RSRP1: variants seen among roughly 807,000 people sequenced by gnomAD.
RSRP1 encodes the protein arginine and serine rich protein 1.
RSRP1 carries 37 observed loss-of-function variants against 33.0 expected under a neutral mutation model. The observed-to-expected ratio is 1.12, with a 90% confidence interval of 0.86 to 1.48. RSRP1 has a LOEUF of 1.48. Ranked by LOEUF, RSRP1 falls within the 40% of genes most tolerant of loss-of-function variation. RSRP1 has a pLI of 0.00. For missense variants in RSRP1, 402 were observed against 385.3 expected (o/e 1.04, Z -0.36); for synonymous variants, 167 against 158.7 (o/e 1.05, Z -0.40).
intron 1 of RSRP1, among the ~76,000 whole-genome samples, chr1:25,259,331 G>A (rs1360585323): frequency 6.6e-6 from 1 of 152,078 alleles, no homozygotes; most frequent in Non-Finnish European, 1.5e-5. Context: ...GACCTCAAGT[G>A]ATCTGCCTGC....
chr1:25,245,336 T>C (rs1639278855), intron 2 of RSRP1, 35 bp from the exon 3 acceptor site: 1 of 1,578,426 alleles, frequency 6.3e-7, no homozygotes, highest in Non-Finnish European at 8.7e-7. Flanking sequence ...AAAATACTCA[T>C]TAATCTGGTA....
At chr1:25,292,172 A>G (rs112896682) in intron 1 of RSRP1, among the ~76,000 whole-genome samples, 2,395 of 132,698 alleles carry the variant, frequency 0.018, 617 homozygotes, top group Non-Finnish European at 0.028. Context: ...ATGCATGTTT[A>G]CAAAAAAAAG....
rs1189238609 is a variant in RSRP1 at position 25,321,663 on chromosome 1, C to A, written c.-67+16315G>T. ...CCAGCCTGGGCGATAGAGTGAGACT[C>A]TGTCTCAAAATAAATAAAATAAAAT... On this transcript the variant is annotated intron_variant, in intron 1 of 1. Transcript: ENST00000561867. Among the ~76,000 whole-genome samples the A allele has an allele frequency of 1.7e-4, 4 of 23,660 alleles. 1 individual carries two copies. Among genetic ancestry groups the A allele is most frequent in the Non-Finnish European group, 6.8e-4 (4 of 5,882 alleles). The allele number at this position is 23,660 out of a possible 152,430, so 15.5% of individuals were successfully genotyped here. A position where few individuals can be genotyped will look rare whatever the true frequency, so the allele number is the denominator to read the frequency against.
intron 1 of RSRP1, chr1:25,337,356 T>G (rs1033554542): frequency 1.3e-5 from 2 of 151,084 alleles, no homozygotes; most frequent in African/African-American, 4.9e-5. Context: ...CTGCTCCCTC[T>G]CCGGGGCTGG....
intron 1 of RSRP1, among the ~76,000 whole-genome samples, chr1:25,258,944 CTT>C (rs961343872): frequency 2.6e-5 from 4 of 152,270 alleles, no homozygotes; most frequent in African/African-American, 9.6e-5. Context: ...CTCTGCCACT[CTT>C]TGAGGAGAAT....
At chr1:25,245,695 ATTAGT>A (rs971768858) in intron 2 of RSRP1, among the ~76,000 whole-genome samples, 1 of 152,266 alleles carries the variant, frequency 6.6e-6, no homozygotes, top group East Asian at 1.9e-4. Flanking sequence ...TATCTCAACA[ATTAGT>A]TTTGTTTTCT....
In RSRP1 at chr1:25,329,269, T is replaced by C. The variant is rs559317219; in HGVS notation, c.-67+8709A>G. On this transcript the variant is annotated intron_variant, in intron 1 of 1. Transcript: ENST00000561867. Reference sequence around the variant, plus strand: ...TTTTTTTTTTTTTTTTTTTGAGATGTAGTCTTACTCTGTCACCCAGGCTAG... The same window carrying C: ...TTTTTTTTTTTTTTTTTTTGAGATGCAGTCTTACTCTGTCACCCAGGCTAG... 85 of 508,136 alleles carry C rather than the reference T, an allele frequency of 1.7e-4. 12 individuals are homozygous for C. The South Asian group carries it at 1.9e-3, about 11-fold the overall frequency. The allele number at this position is 508,136 out of a possible 1,614,324, so 31.5% of individuals were successfully genotyped here.
intron 2 of RSRP1, among the ~76,000 whole-genome samples, chr1:25,245,534 G>C (rs1415221936): frequency 6.6e-6 from 1 of 152,128 alleles, no homozygotes; most frequent in African/African-American, 2.4e-5. Flanking sequence ...CACAGTGTTT[G>C]AGAGACTGTA....
At chr1:25,245,359 G>C in intron 2 of RSRP1, 58 bp from the exon 3 acceptor site, 1 of 1,529,664 alleles carries the variant, frequency 6.5e-7, no homozygotes, top group East Asian at 2.3e-5. Context: ...TATTTCCCAA[G>C]AGAACTCAGA....
In RSRP1 at chr1:25,301,728, G is replaced by C. The variant is rs753654123; in HGVS notation, c.-67+36250C>G. On this transcript the variant is annotated intron_variant, in intron 1 of 1. Transcript: ENST00000561867. ...CCTTGGGCAGCACTTGGGTCTAACA[G>C]GACTAGCACACATATTTATGCCCCT... The C allele has an allele frequency of 2.1e-5, 28 of 1,305,124 alleles. 7 individuals carry two copies. The highest frequency in any genetic ancestry group is 3.1e-5 in the Non-Finnish European group (28 of 912,262). 80.8% of individuals were successfully genotyped at this position (1,305,124 alleles called of 1,614,324 possible).
upstream of RSRP1, among the ~76,000 whole-genome samples, chr1:25,252,072 G>T (rs375061671): frequency 6.7e-6 from 1 of 149,988 alleles, no homozygotes; most frequent in Non-Finnish European, 1.5e-5. Context: ...TGTTGCTGTT[G>T]TTGTTTTGTG....
At chr1:25,262,580 G>A (rs1218902858) in intron 1 of RSRP1, among the ~76,000 whole-genome samples, 3 of 152,202 alleles carry the variant, frequency 2.0e-5, no homozygotes, top group African/African-American at 7.2e-5. Flanking sequence ...CAGATTGTCT[G>A]CAAGCTGGAG....
chr1:25,274,353 C>T (rs925545216), intron 1 of RSRP1, among the ~76,000 whole-genome samples: 7 of 132,640 alleles, frequency 5.3e-5, no homozygotes, highest in Admixed American at 3.7e-4. Flanking sequence ...CCCCATTTTA[C>T]AGTGGGCTTG....
intron 1 of RSRP1, chr1:25,301,120 T>A: frequency 1.5e-6 from 2 of 1,372,160 alleles, no homozygotes; most frequent in Non-Finnish European, 2.1e-6. Context: ...GTGAGTGGTC[T>A]CCTACTTGGG....
rs150893873 is a variant in RSRP1 at position 25,257,546 on chromosome 1, G to C, written c.-66-10517C>G. Among the ~76,000 whole-genome samples the C allele has an allele frequency of 2.8e-3, 421 of 151,680 alleles. 1 individual carries two copies. The highest frequency in any genetic ancestry group is 4.5e-3 in the Non-Finnish European group (308 of 67,924). The stretch of plus-strand genomic sequence containing the variant: ...GATAGAAGAAAAACTAGCTTGACTA[G>C]AGCAAAGGGTTTATTGTGGGGAATT... On this transcript the variant is annotated intron_variant, in intron 1 of 1. Coordinates refer to the RSRP1 transcript ENST00000561867.
chr1:25,285,098 A>G (rs1257752903), intron 1 of RSRP1, among the ~76,000 whole-genome samples: 1 of 133,786 alleles, frequency 7.5e-6, no homozygotes, highest in Non-Finnish European at 1.8e-5. Flanking sequence ...CGTTAGACAG[A>G]GAGAAATAGA....
At chr1:25,261,705 AT>A (rs376795548) in intron 1 of RSRP1, among the ~76,000 whole-genome samples, 12,339 of 93,762 alleles carry the variant, frequency 0.13, 581 homozygotes, top group South Asian at 0.22. Context: ...CGCCCAGCAG[AT>A]TTTTTTTTTT....
At chr1:25,316,400 A>ACTTG (rs1343099143) in intron 1 of RSRP1, among the ~76,000 whole-genome samples, 2 of 129,160 alleles carry the variant, frequency 1.5e-5, no homozygotes, top group Admixed American at 7.6e-5. Context: ...CGGGCAGATC[A>ACTTG]CTTGAGGTCA....
rs1201375213 is a variant in RSRP1 at position 25,313,957 on chromosome 1, C to T, written c.-67+24021G>A. Among the ~76,000 whole-genome samples, 2 of 132,994 alleles carry T rather than the reference C, an allele frequency of 1.5e-5. 1 individual carries two copies. The highest frequency in any genetic ancestry group is 3.6e-5 in the Non-Finnish European group (2 of 56,048). 87.2% of individuals were successfully genotyped at this position (132,994 alleles called of 152,430 possible). ...GAACAAGTGTTCCATTGTGTGAATG[C>T]AGCAGAATTTATTTATCCATTATTG... On this transcript the variant is annotated intron_variant, in intron 1 of 1. Coordinates refer to the RSRP1 transcript ENST00000561867.
Sources: allele counts gnomAD v4.1 joint callset (sites outside exome capture counted in the v4.1 genomes callset), GRCh38; gene constraint gnomAD v4.1.1; transcripts MANE v1.5; gene names NCBI Gene and HGNC (gene_info 2026-07-23, HGNC 2026-07-21).